The following BLTP3B variants were observed in gnomAD, a reference collection of about 807,000 sequenced individuals.
The protein encoded by BLTP3B is UHRF1 (ICBP90) binding protein 1-like.
At chr12:100,128,616 T>A in the BLTP3B span, 28,710 of 1,284,610 alleles carry the variant, frequency 0.022, 697 homozygotes, top group African/African-American at 0.12. Flanking sequence ...TCCCTATTCC[T>A]GGTGAAAGCA....
the BLTP3B span, chr12:100,088,866 G>C: frequency 2.2e-6 from 3 of 1,382,638 alleles, no homozygotes; most frequent in Non-Finnish European, 2.9e-6. Flanking sequence ...CAGTTTTGTA[G>C]TCAATTCTAG....
At chr12:100,123,351 G>A in the BLTP3B span, among the ~76,000 whole-genome samples, 4 of 152,312 alleles carry the variant, frequency 2.6e-5, no homozygotes, top group East Asian at 7.7e-4. Flanking sequence ...AGAAGGAACT[G>A]AGTGTTGTAG....
the BLTP3B span, among the ~76,000 whole-genome samples, chr12:100,041,661 T>C: frequency 6.6e-6 from 1 of 152,048 alleles, no homozygotes; most frequent in Non-Finnish European, 1.5e-5. Context: ...GGTCTCAATC[T>C]CTTGACCTGG....
the BLTP3B span, chr12:100,142,493 G>T: frequency 7.4e-7 from 1 of 1,360,520 alleles, no homozygotes; most frequent in Non-Finnish European, 1.0e-6. Flanking sequence ...GTCGCCTCCC[G>T]CACAGCCGCC....
At chr12:100,049,339 C>G in the BLTP3B span, among the ~76,000 whole-genome samples, 1 of 152,146 alleles carries the variant, frequency 6.6e-6, no homozygotes, top group Non-Finnish European at 1.5e-5. Context: ...CATAAGAAGA[C>G]TGCTATATCA....
the BLTP3B span, chr12:100,058,950 T>C: frequency 8.7e-6 from 14 of 1,614,138 alleles, no homozygotes; most frequent in Middle Eastern, 3.3e-4. Context: ...AGGCTCAGAC[T>C]CTGTACTATA....
chr12:100,045,053 G>A, the BLTP3B span, among the ~76,000 whole-genome samples: 4 of 152,098 alleles, frequency 2.6e-5, no homozygotes, highest in African/African-American at 9.7e-5. Flanking sequence ...GGAAGTGAGG[G>A]ACCTCTTCAA....
At chr12:100,110,927 C>A in the BLTP3B span, among the ~76,000 whole-genome samples, 1 of 151,930 alleles carries the variant, frequency 6.6e-6, no homozygotes, top group East Asian at 1.9e-4. Context: ...ACTATATATC[C>A]TTAGTCTTGG....
the BLTP3B span, among the ~76,000 whole-genome samples, chr12:100,129,518 CTAA>C: frequency 1.3e-5 from 2 of 152,190 alleles, no homozygotes; most frequent in Non-Finnish European, 2.9e-5. Flanking sequence ...TCCCTGGCTT[CTAA>C]AACATTGCCA....
At chr12:100,124,540 C>T in the BLTP3B span, among the ~76,000 whole-genome samples, 6 of 151,158 alleles carry the variant, frequency 4.0e-5, no homozygotes, top group Non-Finnish European at 3.0e-5. Flanking sequence ...CTCAGGAGTT[C>T]GAGACCAGCC....
chr12:100,039,642 T>TGA, the BLTP3B span: 1 of 1,613,876 alleles, frequency 6.2e-7, no homozygotes, highest in Non-Finnish European at 8.5e-7. Context: ...GTTAGCTGAC[T>TGA]GAGAAGGCCA....
At chr12:100,139,665 G>C in the BLTP3B span, among the ~76,000 whole-genome samples, 1 of 152,102 alleles carries the variant, frequency 6.6e-6, no homozygotes, top group African/African-American at 2.4e-5. Flanking sequence ...GTAAAAAAAA[G>C]CAATGTAAGA....
At chr12:100,091,259 G>T in the BLTP3B span, among the ~76,000 whole-genome samples, 1 of 144,084 alleles carries the variant, frequency 6.9e-6, no homozygotes, top group South Asian at 2.2e-4. Flanking sequence ...GCATGATCTC[G>T]GTTCACCGCA....
chr12:100,087,813 A>T, the BLTP3B span, among the ~76,000 whole-genome samples: 1 of 152,252 alleles, frequency 6.6e-6, no homozygotes, highest in African/African-American at 2.4e-5. Context: ...GTAAGGCCTT[A>T]GAAAACACTT....
At chr12:100,098,739 TA>T in the BLTP3B span, among the ~76,000 whole-genome samples, 28 of 144,232 alleles carry the variant, frequency 1.9e-4, no homozygotes, top group East Asian at 1.4e-3. Flanking sequence ...CCATCTCTAC[TA>T]AAAAAAAAAA....
At chr12:100,140,729 A>AAAAAAAAATATATATAT in the BLTP3B span, among the ~76,000 whole-genome samples, 1 of 61,504 alleles carries the variant, frequency 1.6e-5, no homozygotes, top group African/African-American at 1.0e-4. Flanking sequence ...AAAAAAAAAA[A>AAAAAAAAATATATATAT]ATATATATAT....
the BLTP3B span, among the ~76,000 whole-genome samples, chr12:100,118,136 A>ACAAACCC: frequency 2.0e-5 from 3 of 152,210 alleles, no homozygotes; most frequent in African/African-American, 7.2e-5. Context: ...AAAACAGCAG[A>ACAAACCC]CAAACCCCAA....
At chr12:100,129,979 TGGAGTCTAACTCTGTTGCCCAGGCTA>T in the BLTP3B span, among the ~76,000 whole-genome samples, 1 of 152,220 alleles carries the variant, frequency 6.6e-6, no homozygotes, top group Non-Finnish European at 1.5e-5. Flanking sequence ...CCCCTTGGGA[TGGAGTCTAACTCTGTTGCCCAGGCTA>T]GAGTGCAGTG....
At chr12:100,055,677 C>CA in the BLTP3B span, among the ~76,000 whole-genome samples, 1,060 of 83,276 alleles carry the variant, frequency 0.013, 11 homozygotes, top group African/African-American at 0.029. Context: ...AACTACATCT[C>CA]AAAAAAAAAA....
Sources: allele counts gnomAD v4.1 joint callset (sites outside exome capture counted in the v4.1 genomes callset), GRCh38; gene constraint gnomAD v4.1.1; transcripts MANE v1.5; gene names NCBI Gene and HGNC (gene_info 2026-07-23, HGNC 2026-07-21).